The following SLC2A12 variants were observed in gnomAD, a reference collection of about 807,000 sequenced individuals.
The protein encoded by SLC2A12 is solute carrier family 2, facilitated glucose transporter member 12.
A neutral mutation model predicts 41.8 loss-of-function variants in SLC2A12; 23 were observed. The ratio of observed to expected loss-of-function variants is 0.55; its 90% CI spans 0.40 to 0.78. The LOEUF (loss-of-function observed/expected upper bound fraction) is 0.78. SLC2A12 is among the 30% of genes least tolerant of loss of function. The probability of loss-of-function intolerance (pLI) is 0.00; values close to 1 mark genes in which losing one functional copy is unlikely to be tolerated. For missense variants in SLC2A12, 654 were observed against 745.6 expected, an observed-to-expected ratio of 0.88 and a Z score of 1.43; for synonymous variants, 295 against 285.9, an observed-to-expected ratio of 1.03 and a Z score of -0.32.
chr6:134,014,324 C>T (rs1435701144), intron 2 of SLC2A12, among the ~76,000 whole-genome samples: 1 of 152,188 alleles, frequency 6.6e-6, no homozygotes, highest in African/African-American at 2.4e-5. Flanking sequence ...TCACCTCCTG[C>T]TGTGCAGCCG....
At chr6:134,039,556 G>T (rs750893849) in intron 1 of SLC2A12, among the ~76,000 whole-genome samples, 1 of 150,732 alleles carries the variant, frequency 6.6e-6, no homozygotes. Context: ...AAATAACCTA[G>T]CCCCTAAATT....
intron 2 of SLC2A12, among the ~76,000 whole-genome samples, chr6:134,011,137 G>A (rs908563871): frequency 3.3e-5 from 5 of 152,246 alleles, no homozygotes; most frequent in Admixed American, 2.0e-4. Flanking sequence ...TTGCAAAGGA[G>A]CCATGCCCTA....
chr6:134,046,917 A>G (rs1039907548), intron 1 of SLC2A12, among the ~76,000 whole-genome samples: 1 of 152,214 alleles, frequency 6.6e-6, no homozygotes, highest in Non-Finnish European at 1.5e-5. Flanking sequence ...AGGCAAAACA[A>G]AATAATACAG....
At chr6:134,003,897 G>A (rs1264819306) in intron 3 of SLC2A12, among the ~76,000 whole-genome samples, 3 of 152,198 alleles carry the variant, frequency 2.0e-5, no homozygotes, top group African/African-American at 7.2e-5. Context: ...TGGTGTTTAA[G>A]GGCTTACTGC....
At chr6:134,013,360 AG>A (rs1194390996) in intron 2 of SLC2A12, among the ~76,000 whole-genome samples, 3 of 152,110 alleles carry the variant, frequency 2.0e-5, no homozygotes, top group African/African-American at 7.2e-5. Context: ...ATTTACTCTA[AG>A]AGCTTCTAAG....
chr6:133,998,538 CT>C (rs1242195934), intron 4 of SLC2A12, among the ~76,000 whole-genome samples: 2 of 152,168 alleles, frequency 1.3e-5, no homozygotes, highest in Non-Finnish European at 2.9e-5. Context: ...CAAAATTTTA[CT>C]TTTTGTGTGT....
chr6:134,028,550 A>G lies in SLC2A12; in HGVS notation c.1275T>C (p.Asp425=), dbSNP rs1777146490. The G allele has an allele frequency of 6.8e-6, 11 of 1,614,156 alleles. No homozygotes were observed. Among genetic ancestry groups the G allele is most frequent in the Non-Finnish European group, 8.5e-6 (10 of 1,180,024 alleles). The change falls in exon 2 of 5, where the codon GAT becomes GAC. Residue 425 remains aspartate, a synonymous_variant. Coordinates refer to ENST00000275230, the MANE Select transcript of SLC2A12 (RefSeq NM_145176.3). ...AGGTCGTCTCCCCTCTCTTATCCACATCATTTCTCAGGGGCATGAGTGAGC... is the reference window on the plus strand; with the variant it reads ...AGGTCGTCTCCCCTCTCTTATCCACGTCATTTCTCAGGGGCATGAGTGAGC... ...SRSSLMPLRN[D]VDKRGETTSA... is the part of the protein sequence containing the mutation.
chr6:133,993,616 G>C (rs1776650204), intron 4 of SLC2A12, among the ~76,000 whole-genome samples: 2 of 152,238 alleles, frequency 1.3e-5, no homozygotes, highest in African/African-American at 4.8e-5. Context: ...GGAAGAGATA[G>C]ACAGTAGACC....
rs577684464 is a variant in SLC2A12, at chr6:134,021,493, G to A, written c.1444+6888C>T. Reference sequence around the variant, plus strand: ...GTAATACCCTATTGCTAAGGACTAAGATGTGTTCTCACATTGTAACTTACA... The same window carrying A: ...GTAATACCCTATTGCTAAGGACTAAAATGTGTTCTCACATTGTAACTTACA... On this transcript the variant is annotated intron_variant, in intron 2 of 4. Coordinates refer to ENST00000275230, the MANE Select transcript of SLC2A12 (RefSeq NM_145176.3). Among the ~76,000 whole-genome samples, 23 of 152,268 alleles carry A rather than the reference G, an allele frequency of 1.5e-4. No homozygotes were observed. In the South Asian group the frequency reaches 4.8e-3, roughly 32 times the overall value.
At chr6:133,994,609 T>C (rs1369315312) in intron 4 of SLC2A12, among the ~76,000 whole-genome samples, 1 of 152,072 alleles carries the variant, frequency 6.6e-6, no homozygotes, top group African/African-American at 2.4e-5. Context: ...GCACCTGTAG[T>C]CCCAGCTACT....
chr6:134,038,600 T>G (rs907471351), intron 1 of SLC2A12, among the ~76,000 whole-genome samples: 4 of 151,322 alleles, frequency 2.6e-5, no homozygotes, highest in African/African-American at 9.7e-5. Flanking sequence ...CCTCAAGTGA[T>G]CCACCTGCTT....
In SLC2A12 at chr6:134,029,463, C is replaced by T. The variant is rs1777166900; in HGVS notation, c.362G>A (p.Ser121Asn). Reference protein sequence around the residue: ...ILSSCLLGLGSLVLILSLSYT... With the variant: ...ILSSCLLGLGNLVLILSLSYT... Reference sequence around the variant, plus strand: ...GGATAAACTGAGGATCAAGACTAAGCTTCCGAGTCCAAGCAGGCAGGATGA... The same window carrying T: ...GGATAAACTGAGGATCAAGACTAAGTTTCCGAGTCCAAGCAGGCAGGATGA... Residue 121 changes from serine (S) to asparagine (N), a missense_variant, in exon 2 of 5, where the codon AGC becomes AAC. This residue lies in a region of SLC2A12 where 109 missense variants were observed against 153.0 expected (regional missense o/e 0.71). Coordinates refer to ENST00000275230, the MANE Select transcript of SLC2A12 (RefSeq NM_145176.3). 2.5e-6 allele frequency: 4 copies of T among 1,614,048 alleles called. No individual in the cohort carries two copies. Among genetic ancestry groups the T allele is most frequent in the African/African-American group, 2.7e-5 (2 of 74,916 alleles).
chr6:134,015,240 T>A (rs968343752), intron 2 of SLC2A12, among the ~76,000 whole-genome samples: 18 of 152,274 alleles, frequency 1.2e-4, no homozygotes, highest in Non-Finnish European at 1.5e-5. Context: ...AACAAAACTC[T>A]CCTGTTAACA....
intron 2 of SLC2A12, among the ~76,000 whole-genome samples, chr6:134,021,119 T>G (rs1318263019): frequency 6.6e-6 from 1 of 152,214 alleles, no homozygotes; most frequent in Non-Finnish European, 1.5e-5. Flanking sequence ...GCCCAAGTGA[T>G]GGATTGTTCT....
intron 2 of SLC2A12, among the ~76,000 whole-genome samples, chr6:134,014,707 T>C (rs1295815427): frequency 6.6e-6 from 1 of 152,248 alleles, no homozygotes; most frequent in East Asian, 1.9e-4. Flanking sequence ...CCTGACACTT[T>C]AACATCTTTT....
At chr6:134,029,804 G>A in intron 1 of SLC2A12, 83 bp from the exon 2 acceptor site, 12 of 1,485,126 alleles carry the variant, frequency 8.1e-6, no homozygotes, top group Non-Finnish European at 8.9e-6. Context: ...ATTTAACCTT[G>A]TAGAAGTCTT....
chr6:134,051,186 A>C (rs113737776), intron 1 of SLC2A12, among the ~76,000 whole-genome samples: 1 of 152,126 alleles, frequency 6.6e-6, no homozygotes, highest in Non-Finnish European at 1.5e-5. Flanking sequence ...TTGGCCTCCC[A>C]AAGTGCTGAG....
At chr6:134,051,690 A>T (rs555170892) in intron 1 of SLC2A12, among the ~76,000 whole-genome samples, 1 of 152,348 alleles carries the variant, frequency 6.6e-6, no homozygotes, top group East Asian at 1.9e-4. Context: ...TAAATGAATT[A>T]AAACTTTTCC....
chr6:134,023,118 T>C (rs1777067491), intron 2 of SLC2A12, among the ~76,000 whole-genome samples: 1 of 152,116 alleles, frequency 6.6e-6, no homozygotes, highest in African/African-American at 2.4e-5. Context: ...TATCACAGGT[T>C]TGCAACACCC....
Sources: gnomAD v4.1 joint callset for allele counts (sites outside exome capture counted in the v4.1 genomes callset) on GRCh38, gnomAD v4.1.1 for gene constraint, gnomAD v4.1.1 regional missense constraint, MANE v1.5 for transcripts, NCBI Gene and HGNC (gene_info 2026-07-23, HGNC 2026-07-21) for gene names.